Variants in SLC12A8 observed in about 807,000 individuals in gnomAD.
SLC12A8 encodes cation-chloride cotransporter 9.
A neutral mutation model predicts 75.6 loss-of-function variants in SLC12A8; 69 were observed. The observed-to-expected ratio is 0.91, with a 90% confidence interval of 0.75 to 1.11. The LOEUF (loss-of-function observed/expected upper bound fraction) is 1.11, where lower values mean the gene tolerates loss of function less well. SLC12A8 is among the 50% of genes most tolerant of loss of function. The probability of loss-of-function intolerance (pLI) is 0.00; values close to 1 mark genes in which losing one functional copy is unlikely to be tolerated. For synonymous variants in SLC12A8, 365 were observed against 372.8 expected, an observed-to-expected ratio of 0.98 and a Z score of 0.24; for missense variants, 877 against 896.7, an observed-to-expected ratio of 0.98 and a Z score of 0.28.
intron 2 of SLC12A8, among the ~76,000 whole-genome samples, chr3:125,206,300 T>C (rs1935225018): frequency 6.6e-6 from 1 of 152,214 alleles, no homozygotes; most frequent in African/African-American, 2.4e-5. Context: ...CTGGGGCCAG[T>C]AGCCTTGCTT....
At chr3:125,111,730 G>C (rs1476778923) in intron 8 of SLC12A8, among the ~76,000 whole-genome samples, 2 of 152,108 alleles carry the variant, frequency 1.3e-5, no homozygotes, top group Non-Finnish European at 2.9e-5. Context: ...TTCTTTCCTG[G>C]CTCATAAATT....
At chr3:125,092,067 C>A (rs1341048892) in intron 11 of SLC12A8, 34 bp downstream of exon 11, 1 of 1,505,758 alleles carries the variant, frequency 6.6e-7, no homozygotes, top group Admixed American at 1.7e-5. Flanking sequence ...AACTCTGTCC[C>A]AAGAACAACT....
intron 6 of SLC12A8, among the ~76,000 whole-genome samples, chr3:125,127,891 T>C (rs1328760596): frequency 1.3e-5 from 2 of 152,214 alleles, no homozygotes; most frequent in Non-Finnish European, 2.9e-5. Flanking sequence ...AAAACTTTTT[T>C]TTTTGAGACG....
intron 6 of SLC12A8, among the ~76,000 whole-genome samples, chr3:125,134,443 T>C (rs185208757): frequency 3.3e-5 from 5 of 152,316 alleles, no homozygotes; most frequent in South Asian, 2.1e-4. Context: ...TGGTTTTCTA[T>C]TGTGTGGCTA....
rs569287756 is a variant in SLC12A8, at chr3:125,165,033, G to T, written c.622+12710C>A. 1.1e-4 allele frequency among the ~76,000 whole-genome samples: 16 copies of T among 152,358 alleles called. No individual in the cohort carries two copies. The South Asian group carries it at 1.7e-3, about 16-fold the overall frequency. On this transcript the variant is annotated intron_variant, in intron 5 of 13. Coordinates refer to ENST00000469902, the MANE Select transcript of SLC12A8 (RefSeq NM_024628.6). ...CTCTGCTGGGCCAGGAAGGTGGCTG[G>T]AGACTGAGGCCTGGGCTTTGAAGTT... is the stretch of plus-strand genomic sequence containing the variant.
chr3:125,195,597 T>A (rs1278932249), intron 2 of SLC12A8, among the ~76,000 whole-genome samples: 4 of 145,134 alleles, frequency 2.8e-5, no homozygotes, highest in African/African-American at 9.9e-5. Context: ...AATCTGTTGT[T>A]TTTTTTTTTT....
chr3:125,144,609 G>A (rs1579503504), intron 5 of SLC12A8, among the ~76,000 whole-genome samples: 1 of 152,136 alleles, frequency 6.6e-6, no homozygotes, highest in Admixed American at 6.5e-5. Flanking sequence ...CACCCTGGCT[G>A]TGGGTTCCTC....
rs545587365 is a variant in SLC12A8, at chr3:125,135,890, G to T, written c.623-108C>A. 15 of 614,636 alleles carry T rather than the reference G, an allele frequency of 2.4e-5. No individual in the cohort carries two copies. The East Asian group carries it at 3.4e-4, about 14-fold the overall frequency. 38.1% of individuals were successfully genotyped at this position (614,636 alleles called of 1,614,324 possible). On this transcript the variant is annotated intron_variant, in intron 5 of 13. Coordinates refer to ENST00000469902, the MANE Select transcript of SLC12A8 (RefSeq NM_024628.6). ...TATCGCTTTAAATATTGGAAAGGTA[G>T]GGGCATGTATGTGACACACAGCGAC... is the stretch of plus-strand genomic sequence containing the variant.
chr3:125,133,111 A>T (rs1933399779), intron 6 of SLC12A8, among the ~76,000 whole-genome samples: 1 of 152,114 alleles, frequency 6.6e-6, no homozygotes, highest in South Asian at 2.1e-4. Flanking sequence ...ACAAGAATGG[A>T]CATGGGGAGC....
At chr3:125,179,379 T>C (rs1000946615) in intron 4 of SLC12A8, among the ~76,000 whole-genome samples, 1 of 152,182 alleles carries the variant, frequency 6.6e-6, no homozygotes, top group African/African-American at 2.4e-5. Flanking sequence ...ATTTGCTAAG[T>C]ATGTTGCAAG....
intron 6 of SLC12A8, among the ~76,000 whole-genome samples, chr3:125,124,229 A>C (rs1179707710): frequency 6.6e-6 from 1 of 152,224 alleles, no homozygotes; most frequent in East Asian, 1.9e-4. Context: ...AGATGCAGGC[A>C]ACTCGGACTG....
At position 125,107,642 on chromosome 3, in the gene SLC12A8, AAAG is replaced by A. The variant is rs1347367361; in HGVS notation, c.1541_1543del (p.Ser514del). The A allele has an allele frequency of 2.5e-6, 4 of 1,614,036 alleles. No individual in the cohort carries two copies. In the African/African-American group the frequency reaches 5.3e-5, roughly 22 times the overall value. Reference sequence around the variant, plus strand: ...CAACCTGTCAGAGATCTCGACAGGGAAAGAAGGAGGGGATTTGAGGTCCAAGAG... The same window carrying A: ...CAACCTGTCAGAGATCTCGACAGGGAAAGGAGGGGATTTGAGGTCCAAGAG... On this transcript the variant is annotated inframe_deletion, in exon 10 of 14. Transcript: ENST00000469902.
chr3:125,192,367 G>A (rs1934925394), intron 2 of SLC12A8, among the ~76,000 whole-genome samples: 1 of 152,098 alleles, frequency 6.6e-6, no homozygotes, highest in African/African-American at 2.4e-5. Context: ...TAAGATCTGT[G>A]CTTTTCCCTG....
At chr3:125,155,621 A>ATTAGCCTGGTGTG (rs578023995) in intron 5 of SLC12A8, among the ~76,000 whole-genome samples, 1 of 120,832 alleles carries the variant, frequency 8.3e-6, no homozygotes, top group African/African-American at 3.0e-5. Flanking sequence ...AATACAAAAA[A>ATTAGCCTGGTGTG]GTAGCTGTAG....
intron 2 of SLC12A8, among the ~76,000 whole-genome samples, chr3:125,205,937 T>C (rs1374801162): frequency 1.3e-5 from 2 of 152,188 alleles, no homozygotes; most frequent in Admixed American, 1.3e-4. Context: ...GGCCCCAGTG[T>C]CCTCATCTTA....
rs555811590 is a variant in SLC12A8 at position 125,209,964 on chromosome 3, G to C, written c.51+1335C>G. On this transcript the variant is annotated intron_variant, in intron 2 of 13. Transcript: ENST00000469902. Reference sequence around the variant, plus strand: ...TTAACAAGACAGTGCAGGGGAGGGAGAGAGAAAGAAAGGATGGATTTCTAA... The same window carrying C: ...TTAACAAGACAGTGCAGGGGAGGGACAGAGAAAGAAAGGATGGATTTCTAA... Among the ~76,000 whole-genome samples, 8 of 152,312 alleles carry C rather than the reference G, an allele frequency of 5.3e-5. No individual in the cohort carries two copies. In the South Asian group the frequency reaches 1.7e-3, roughly 32 times the overall value.
At chr3:125,145,073 A>AGCATC (rs1298944038) in intron 5 of SLC12A8, among the ~76,000 whole-genome samples, 1 of 152,246 alleles carries the variant, frequency 6.6e-6, no homozygotes, top group Admixed American at 6.5e-5. Flanking sequence ...GTAGAAAGTT[A>AGCATC]GCATCACAGC....
intron 5 of SLC12A8, among the ~76,000 whole-genome samples, chr3:125,139,248 G>C (rs1933568251): frequency 6.6e-6 from 1 of 152,266 alleles, no homozygotes; most frequent in Admixed American, 6.5e-5. Flanking sequence ...GAGCAAAAGA[G>C]AGAGAGGGTG....
At chr3:125,084,158 T>C (rs752150955) in intron 13 of SLC12A8, 106 bp from the exon 14 acceptor site, 142 of 853,174 alleles carry the variant, frequency 1.7e-4, no homozygotes, top group Non-Finnish European at 2.3e-4. Context: ...CACACATGTA[T>C]TTAAATGTTT....
Sources: allele counts gnomAD v4.1 joint callset (sites outside exome capture counted in the v4.1 genomes callset), GRCh38; gene constraint gnomAD v4.1.1; transcripts MANE v1.5; gene names NCBI Gene and HGNC (gene_info 2026-07-23, HGNC 2026-07-21).